Variants in GOLGA1 observed in about 807,000 individuals in gnomAD.
GOLGA1 encodes the protein golgin subfamily A member 1.
A neutral mutation model predicts 119.7 loss-of-function variants in GOLGA1; 63 were observed. The ratio of observed to expected loss-of-function variants is 0.53; its 90% CI spans 0.43 to 0.65. The LOEUF is 0.65. Ranked by LOEUF, GOLGA1 falls within the 30% of genes least tolerant of loss-of-function variation. The pLI, the probability that GOLGA1 is intolerant of heterozygous loss-of-function variation, is 0.00. For synonymous variants in GOLGA1, 318 were observed against 333.4 expected, an observed-to-expected ratio of 0.95 and a Z score of 0.50; for missense variants, 798 against 912.8, an observed-to-expected ratio of 0.87 and a Z score of 1.62.
intron 12 of GOLGA1, among the ~76,000 whole-genome samples, chr9:124,902,332 T>C (rs1320054551): frequency 2.0e-5 from 3 of 151,836 alleles, no homozygotes; most frequent in African/African-American, 7.3e-5. Flanking sequence ...CAGGATGGTC[T>C]CGATCTCCTG....
At chr9:124,887,029 T>C (rs1236849389) in intron 19 of GOLGA1, among the ~76,000 whole-genome samples, 2 of 149,784 alleles carry the variant, frequency 1.3e-5, no homozygotes, top group African/African-American at 4.9e-5. Flanking sequence ...CAGGGAAGAG[T>C]TGGGTTTAGC....
chr9:124,923,883 T>C (rs1830619828), intron 7 of GOLGA1, among the ~76,000 whole-genome samples: 2 of 152,164 alleles, frequency 1.3e-5, no homozygotes, highest in Admixed American at 1.3e-4. Context: ...TGACACAGAG[T>C]CTCACTCTGT....
Position 124,923,014 on chromosome 9 carries a change from G to T in GOLGA1, c.561+81C>A, listed in dbSNP as rs149242708. ...ACATATTACTGGTGTATGTTTATCAGCAATTAGAGAGTGATGACTAGTAAA... is the reference window on the plus strand; with the variant it reads ...ACATATTACTGGTGTATGTTTATCATCAATTAGAGAGTGATGACTAGTAAA... On this transcript the variant is annotated intron_variant, in intron 8 of 22. Transcript: ENST00000373555. The T allele has an allele frequency of 2.0e-3, 1,719 of 852,268 alleles. 30 individuals are homozygous for T. The African/African-American group carries it at 0.026, about 13-fold the overall frequency. The allele number at this position is 852,268 out of a possible 1,614,324, so 52.8% of individuals were successfully genotyped here.
At chr9:124,890,623 T>G in intron 15 of GOLGA1, 145 bp from the exon 16 acceptor site, 3 of 705,124 alleles carry the variant, frequency 4.3e-6, no homozygotes, top group African/African-American at 1.8e-5. Context: ...GCCTGGCCCC[T>G]CCCTGCCATG....
chr9:124,921,999 A>G lies in GOLGA1; in HGVS notation c.562-107T>C, dbSNP rs1012734209. On this transcript the variant is annotated intron_variant, in intron 8 of 22. Coordinates refer to ENST00000373555, the MANE Select transcript of GOLGA1 (RefSeq NM_002077.4). ...TCCCAACACTTTGGGAGGCTGAGGC[A>G]GGTGGATCACTTGAGGTCAGGAGTT... is the stretch of plus-strand genomic sequence containing the variant. 40 of 904,444 alleles carry G rather than the reference A, an allele frequency of 4.4e-5. No individual in the cohort carries two copies. The East Asian group carries it at 9.7e-4, about 22-fold the overall frequency. 56.0% of individuals were successfully genotyped at this position (904,444 alleles called of 1,614,324 possible). A position where few individuals can be genotyped will look rare whatever the true frequency, so the allele number is the denominator to read the frequency against.
In GOLGA1 at chr9:124,880,049, C is replaced by A. The variant is rs1294810269; in HGVS notation, c.*481G>T. ...AAGGGATAAAAAGCTTCTAACTCATCTGAATTTTTAAAAGCCACTCCCATA... is the reference window on the plus strand; with the variant it reads ...AAGGGATAAAAAGCTTCTAACTCATATGAATTTTTAAAAGCCACTCCCATA... On this transcript the variant is annotated 3_prime_UTR_variant, in exon 23 of 23. Coordinates refer to ENST00000373555, the MANE Select transcript of GOLGA1 (RefSeq NM_002077.4). 1.3e-5 allele frequency: 2 copies of A among 152,978 alleles called. No individual in the cohort carries two copies. The highest frequency in any genetic ancestry group is 2.9e-5 in the Non-Finnish European group (2 of 68,504). The allele number at this position is 152,978 out of a possible 1,614,324, so 9.5% of individuals were successfully genotyped here.
chr9:124,917,093 A>G (rs1241560917), intron 10 of GOLGA1, among the ~76,000 whole-genome samples: 1 of 152,154 alleles, frequency 6.6e-6, no homozygotes, highest in Non-Finnish European at 1.5e-5. Context: ...AACATTAACA[A>G]GCATGGGAAA....
chr9:124,895,858 AC>A (rs1829973730), intron 15 of GOLGA1, among the ~76,000 whole-genome samples: 2 of 136,390 alleles, frequency 1.5e-5, no homozygotes, highest in Non-Finnish European at 3.4e-5. Context: ...ACAACAGAGA[AC>A]CCTCCACAAC....
rs71492426 is a variant in GOLGA1 at position 124,884,016 on chromosome 9, AT to A, written c.1906-1448del. Reference sequence around the variant, plus strand: ...AAACTTCATAATATAGGGAAAAAAAATTTTTTTTTTTTTGAGACGGAGTCTT... The same window carrying A: ...AAACTTCATAATATAGGGAAAAAAAATTTTTTTTTTTTGAGACGGAGTCTT... On this transcript the variant is annotated intron_variant, in intron 19 of 22. Coordinates refer to ENST00000373555, the MANE Select transcript of GOLGA1 (RefSeq NM_002077.4). 7.7e-3 allele frequency among the ~76,000 whole-genome samples: 1,132 copies of A among 147,576 alleles called. 4 individuals are homozygous for A. Among genetic ancestry groups the A allele is most frequent in the South Asian group, 0.014 (67 of 4,628 alleles).
At chr9:124,941,749 A>T (rs930880083), upstream of GOLGA1, among the ~76,000 whole-genome samples, 2 of 152,214 alleles carry the variant, frequency 1.3e-5, no homozygotes, top group African/African-American at 4.8e-5. Context: ...TAGCTTCACC[A>T]TCCGCTGCTG....
intron 12 of GOLGA1, among the ~76,000 whole-genome samples, chr9:124,905,434 C>T (rs944686511): frequency 6.6e-6 from 1 of 152,040 alleles, no homozygotes; most frequent in African/African-American, 2.4e-5. Flanking sequence ...TGCACTCCAG[C>T]CTGGATGAGA....
chr9:124,902,225 C>A (rs1409228015), intron 12 of GOLGA1, among the ~76,000 whole-genome samples: 1 of 151,824 alleles, frequency 6.6e-6, no homozygotes. Context: ...CATTCTCCTG[C>A]CTCAGCCTCC....
intron 10 of GOLGA1, among the ~76,000 whole-genome samples, chr9:124,915,425 A>C (rs1830419641): frequency 6.6e-6 from 1 of 152,180 alleles, no homozygotes; most frequent in South Asian, 2.1e-4. Flanking sequence ...CATGTTCACT[A>C]TTTAGTCTAT....
chr9:124,882,179 A>G (rs1197875475), intron 20 of GOLGA1, among the ~76,000 whole-genome samples: 1 of 152,192 alleles, frequency 6.6e-6, no homozygotes, highest in African/African-American at 2.4e-5. Context: ...TGGGGCCTGA[A>G]GCTGCTCGCA....
intron 7 of GOLGA1, among the ~76,000 whole-genome samples, chr9:124,923,699 G>T (rs1207475589): frequency 6.6e-6 from 1 of 151,264 alleles, no homozygotes; most frequent in Admixed American, 6.6e-5. Context: ...CTGTTATCCA[G>T]GCTGATCTTG....
intron 1 of GOLGA1, chr9:124,947,639 T>C (rs1214297895): frequency 2.0e-5 from 3 of 152,202 alleles, no homozygotes; most frequent in African/African-American, 7.2e-5. Flanking sequence ...TTTACAAATA[T>C]GTATACATAT....
Position 124,923,203 on chromosome 9 carries a change from G to C in GOLGA1, c.453C>G (p.Ala151=). 6.3e-7 allele frequency: 1 copy of C among 1,596,424 alleles called. No homozygotes were observed. Among genetic ancestry groups the C allele is most frequent in the African/African-American group, 1.3e-5 (1 of 74,612 alleles). ...QLEKEKNILT[A]QLQEMKNQSM... Reference sequence around the variant, plus strand: ...TCTGGTTCTTCATTTCCTGTAACTGGGCTGTCAGAATATTTTTCTCCTATT... The same window carrying C: ...TCTGGTTCTTCATTTCCTGTAACTGCGCTGTCAGAATATTTTTCTCCTATT... The change falls in exon 8 of 23, where the codon GCC becomes GCG. Residue 151 remains alanine (A), a synonymous_variant. Transcript: ENST00000373555.
rs773935116 is a variant in GOLGA1, at chr9:124,905,970, G to A, written c.1065+2407C>T. On this transcript the variant is annotated intron_variant, in intron 12 of 22. Transcript: ENST00000373555. ...TCTGCTAAAAATACAAAAATTAGTC[G>A]GGCGTGGTGGCACGTGCCTGTAATT... Among the ~76,000 whole-genome samples, 15 of 151,506 alleles carry A rather than the reference G, an allele frequency of 9.9e-5. No individual in the cohort carries two copies. The South Asian group carries it at 1.3e-3, about 13-fold the overall frequency.
intron 10 of GOLGA1, 71 bp downstream of exon 10, chr9:124,921,058 G>C: frequency 1.1e-6 from 1 of 941,412 alleles, no homozygotes; most frequent in South Asian, 1.3e-5. Context: ...CTACTCTCAG[G>C]CAGAAATTTC....
Sources: gnomAD v4.1 joint callset for allele counts (sites outside exome capture counted in the v4.1 genomes callset) on GRCh38, gnomAD v4.1.1 for gene constraint, MANE v1.5 for transcripts, NCBI Gene and HGNC (gene_info 2026-07-23, HGNC 2026-07-21) for gene names.